The following ZDHHC14 variants were observed in gnomAD, a reference collection of about 807,000 sequenced individuals.
ZDHHC14 encodes palmitoyltransferase ZDHHC14.
Under a neutral mutation model 47.7 loss-of-function variants are expected in ZDHHC14, and 16 were observed. The observed-to-expected ratio is 0.34, with a 90% CI of 0.23 to 0.51. The LOEUF (loss-of-function observed/expected upper bound fraction) is 0.51. ZDHHC14 is among the 20% of genes least tolerant of loss of function. ZDHHC14 has a pLI of 0.97. For missense variants in ZDHHC14, 515 were observed against 662.5 expected, an observed-to-expected ratio of 0.78 and a Z score of 2.44; for synonymous variants, 293 against 278.9, an observed-to-expected ratio of 1.05 and a Z score of -0.50.
chr6:157,450,617 C>T (rs1048906307), intron 1 of ZDHHC14, among the ~76,000 whole-genome samples: 18 of 151,828 alleles, frequency 1.2e-4, no homozygotes, highest in Admixed American at 1.0e-3. Flanking sequence ...CTAACCAGCC[C>T]GTAAATGGAT....
At chr6:157,671,701 C>T (rs186044157) in intron 8 of ZDHHC14, among the ~76,000 whole-genome samples, 36 of 152,242 alleles carry the variant, frequency 2.4e-4, no homozygotes, top group African/African-American at 7.7e-4. Flanking sequence ...GACTTAAGAA[C>T]GCGTGGAAGA....
At chr6:157,534,630 C>T (rs554699115) in intron 1 of ZDHHC14, among the ~76,000 whole-genome samples, 1 of 151,846 alleles carries the variant, frequency 6.6e-6, no homozygotes, top group East Asian at 1.9e-4. Flanking sequence ...GCTCTGTTGC[C>T]CAGGCTGGAG....
At chr6:157,424,899 C>T (rs1778185642) in intron 1 of ZDHHC14, among the ~76,000 whole-genome samples, 1 of 152,068 alleles carries the variant, frequency 6.6e-6, no homozygotes, top group African/African-American at 2.4e-5. Context: ...AGGATCCCTG[C>T]CAGGTGTCCT....
At chr6:157,499,312 C>G (rs781135606) in intron 1 of ZDHHC14, among the ~76,000 whole-genome samples, 2 of 152,130 alleles carry the variant, frequency 1.3e-5, no homozygotes, top group Admixed American at 1.3e-4. Flanking sequence ...TCCAGCAGAT[C>G]AGGTATCTTG....
intron 3 of ZDHHC14, among the ~76,000 whole-genome samples, chr6:157,617,667 A>G (rs1185424889): frequency 7.4e-6 from 1 of 134,914 alleles, no homozygotes; most frequent in African/African-American, 3.2e-5. Flanking sequence ...CCATGAGACA[A>G]CTCTATTCTG....
intron 1 of ZDHHC14, among the ~76,000 whole-genome samples, chr6:157,434,665 T>C (rs1778404671): frequency 7.1e-6 from 1 of 141,306 alleles, no homozygotes; most frequent in Admixed American, 6.8e-5. Context: ...GCCCCAGTTT[T>C]ATTCGTTTAT....
chr6:157,596,260 A>G (rs1281793332), intron 3 of ZDHHC14, among the ~76,000 whole-genome samples: 1 of 152,146 alleles, frequency 6.6e-6, no homozygotes, highest in Admixed American at 6.5e-5. Context: ...AGAGTTGGCC[A>G]TGATCTTATT....
intron 1 of ZDHHC14, among the ~76,000 whole-genome samples, chr6:157,415,633 G>C (rs1270612940): frequency 6.6e-6 from 1 of 152,132 alleles, no homozygotes; most frequent in African/African-American, 2.4e-5. Flanking sequence ...CCAGCACTTG[G>C]GGAGGCCAAG....
chr6:157,661,565 A>G (rs1485725037), intron 8 of ZDHHC14, among the ~76,000 whole-genome samples: 1 of 152,216 alleles, frequency 6.6e-6, no homozygotes, highest in Non-Finnish European at 1.5e-5. Context: ...AGCTTTGCAA[A>G]TAGCTTATGC....
chr6:157,550,565 G>C (rs1782189157), intron 2 of ZDHHC14, among the ~76,000 whole-genome samples: 1 of 152,196 alleles, frequency 6.6e-6, no homozygotes, highest in Non-Finnish European at 1.5e-5. Context: ...ACACTCTAGA[G>C]AGAACACGGT....
At chr6:157,417,312 G>A (rs1778003033) in intron 1 of ZDHHC14, among the ~76,000 whole-genome samples, 1 of 152,092 alleles carries the variant, frequency 6.6e-6, no homozygotes, top group Non-Finnish European at 1.5e-5. Flanking sequence ...CCCAAGATGT[G>A]GATAAAAGCA....
At chr6:157,475,474 T>A (rs186374283) in intron 1 of ZDHHC14, among the ~76,000 whole-genome samples, 45 of 152,304 alleles carry the variant, frequency 3.0e-4, no homozygotes, top group Middle Eastern at 3.4e-3. Flanking sequence ...TTTAACAATA[T>A]TAATTCTTTC....
chr6:157,465,105 CTTTTTTTTTTTT>C (rs772080368), intron 1 of ZDHHC14, among the ~76,000 whole-genome samples: 1 of 102,010 alleles, frequency 9.8e-6, no homozygotes, highest in Non-Finnish European at 1.9e-5. Context: ...TCTCTTTCTC[CTTTTTTTTTTTT>C]TTTTTTTTTT....
intron 1 of ZDHHC14, among the ~76,000 whole-genome samples, chr6:157,406,252 C>T (rs1777760738): frequency 6.6e-6 from 1 of 152,066 alleles, no homozygotes. Context: ...GAGAGGTGCA[C>T]AGGAGGGAGA....
At chr6:157,469,905 T>C (rs112147607) in intron 1 of ZDHHC14, among the ~76,000 whole-genome samples, 23,934 of 152,140 alleles carry the variant, frequency 0.16, 2,395 homozygotes, top group Middle Eastern at 0.23. Flanking sequence ...ACTTCTTCCC[T>C]CTCTCTTACT....
In ZDHHC14 at chr6:157,502,939, C is replaced by T. The variant is rs959423880; in HGVS notation, c.246-39646C>T. Among the ~76,000 whole-genome samples the T allele has an allele frequency of 6.6e-5, 10 of 152,196 alleles. No homozygotes were observed. The highest frequency in any genetic ancestry group is 2.4e-4 in the African/African-American group (10 of 41,450). On this transcript the variant is annotated intron_variant, in intron 1 of 8. Coordinates refer to ENST00000359775, the MANE Select transcript of ZDHHC14 (RefSeq NM_024630.3). The surrounding 1 kb of genome is among the most constrained non-coding windows in gnomAD (Gnocchi z 4.0). ...CTCCTGTCCTCAAGTGATCAACTTG[C>T]CTTGGCTTCCCAAAGTATTGGAATT...
At chr6:157,578,145 G>T (rs1783377738) in intron 2 of ZDHHC14, among the ~76,000 whole-genome samples, 1 of 151,992 alleles carries the variant, frequency 6.6e-6, no homozygotes, top group Non-Finnish European at 1.5e-5. Context: ...TCTGTAGGTT[G>T]TCTGTTTAGT....
chr6:157,578,963 G>C (rs762796967), intron 2 of ZDHHC14, among the ~76,000 whole-genome samples: 4 of 152,144 alleles, frequency 2.6e-5, no homozygotes, highest in Non-Finnish European at 5.9e-5. Flanking sequence ...TGTTGTTTTG[G>C]ATACAATAGC....
intron 1 of ZDHHC14, among the ~76,000 whole-genome samples, chr6:157,495,253 T>G (rs1780031632): frequency 1.4e-5 from 2 of 145,114 alleles, no homozygotes; most frequent in South Asian, 4.2e-4. Flanking sequence ...CCTATGTAAC[T>G]ATGAGATTTT....
Sources: allele counts gnomAD v4.1 joint callset (sites outside exome capture counted in the v4.1 genomes callset), GRCh38; gene constraint gnomAD v4.1.1; non-coding constraint Gnocchi (gnomAD v3.1); transcripts MANE v1.5; gene names NCBI Gene and HGNC (gene_info 2026-07-23, HGNC 2026-07-21).